MGA: variants seen among roughly 807,000 people sequenced by gnomAD.
MGA encodes MAX dimerization protein MGA, also known as MAX gene-associated protein.
MGA carries 40 observed loss-of-function variants against 261.1 expected under a neutral mutation model. The observed-to-expected ratio is 0.15, with a 90% CI of 0.12 to 0.20. MGA has a LOEUF of 0.20. Among genes scored for constraint, MGA ranks in the 10% least tolerant of loss-of-function variants. The pLI is 1.00. For synonymous variants in MGA, 1,302 were observed against 1,290.6 expected, an observed-to-expected ratio of 1.01 and a Z score of -0.19; for missense variants, 3,397 against 3,630.5, an observed-to-expected ratio of 0.94 and a Z score of 1.65.
At chr15:41,698,430 G>T (rs566704371) in intron 3 of MGA, among the ~76,000 whole-genome samples, 6 of 152,256 alleles carry the variant, frequency 3.9e-5, no homozygotes, top group African/African-American at 1.4e-4. Context: ...CTCCCAAAGT[G>T]CTGGGATTAT....
At chr15:41,638,688 C>CA (rs2056759527) in intron 1 of MGA, among the ~76,000 whole-genome samples, 1 of 115,654 alleles carries the variant, frequency 8.6e-6, no homozygotes, top group Non-Finnish European at 1.8e-5. Flanking sequence ...TTTTCTTTTT[C>CA]TTTTTTTTTT....
intron 1 of MGA, among the ~76,000 whole-genome samples, chr15:41,660,835 C>A (rs1595593411): frequency 6.6e-6 from 1 of 152,150 alleles, no homozygotes; most frequent in Non-Finnish European, 1.5e-5. Flanking sequence ...GCCCATGGCT[C>A]GGCCCTGCCC....
Position 41,767,342 on chromosome 15 carries a change from T to C in MGA, c.*62T>C. Reference sequence around the variant, plus strand: ...GGAAATAGATCTCACCTCCTTTCTCTGCAGGCATCTGTTTGTTTGTGTCTT... The same window carrying C: ...GGAAATAGATCTCACCTCCTTTCTCCGCAGGCATCTGTTTGTTTGTGTCTT... On this transcript the variant is annotated 3_prime_UTR_variant, in exon 24 of 24. Coordinates refer to ENST00000219905, the MANE Select transcript of MGA (RefSeq NM_001164273.2). 1 of 1,492,684 alleles carries C rather than the reference T, an allele frequency of 6.7e-7. No homozygotes were observed. Among genetic ancestry groups the C allele is most frequent in the Non-Finnish European group, 9.0e-7 (1 of 1,107,846 alleles). The allele number at this position is 1,492,684 out of a possible 1,614,324, so 92.5% of individuals were successfully genotyped here. A position where few individuals can be genotyped will look rare whatever the true frequency, so the allele number is the denominator to read the frequency against.
intron 2 of MGA, among the ~76,000 whole-genome samples, chr15:41,671,333 A>AT (rs962357988): frequency 1.3e-5 from 2 of 151,608 alleles, no homozygotes; most frequent in Non-Finnish European, 2.9e-5. Flanking sequence ...TTGTTTGTTT[A>AT]TTTTTTTTGA....
chr15:41,658,450 C>A (rs889644162), upstream of MGA, among the ~76,000 whole-genome samples: 3 of 151,734 alleles, frequency 2.0e-5, no homozygotes, highest in Non-Finnish European at 2.9e-5. Context: ...TCAAAGCAAA[C>A]AAAAAATAAA....
intron 15 of MGA, among the ~76,000 whole-genome samples, chr15:41,747,969 C>G (rs1316236241): frequency 4.6e-5 from 7 of 152,122 alleles, no homozygotes; most frequent in African/African-American, 1.7e-4. Context: ...GATTCTGTGC[C>G]TTAATGACTG....
intron 1 of MGA, among the ~76,000 whole-genome samples, chr15:41,646,036 T>G (rs538840284): frequency 6.6e-6 from 1 of 152,296 alleles, no homozygotes; most frequent in South Asian, 2.1e-4. Flanking sequence ...GTGGTCTCAT[T>G]CAGAAAAATT....
In MGA at chr15:41,715,077, C is replaced by A. The variant is rs73407232; in HGVS notation, c.3430+1581C>A. On this transcript the variant is annotated intron_variant, in intron 9 of 23. Transcript: ENST00000219905. ...GGTTCCCTCCCCCACTGCCCACCCG[C>A]CCCCAGTGAAAAAGCAGTGATAGTT... 7.3e-3 allele frequency among the ~76,000 whole-genome samples: 1,102 copies of A among 150,552 alleles called. 17 individuals carry two copies. The highest frequency in any genetic ancestry group is 0.026 in the African/African-American group (1,062 of 41,076).
At chr15:41,708,015 C>A in intron 6 of MGA, 89 bp from the exon 7 acceptor site, 1 of 1,372,732 alleles carries the variant, frequency 7.3e-7, no homozygotes, top group Non-Finnish European at 9.9e-7. Flanking sequence ...GATTTATACA[C>A]TTACCAAATT....
At chr15:41,645,365 A>T (rs1487477564) in intron 1 of MGA, among the ~76,000 whole-genome samples, 1 of 152,254 alleles carries the variant, frequency 6.6e-6, no homozygotes, top group East Asian at 1.9e-4. Flanking sequence ...TGAGACCGGC[A>T]GATCACTTGG....
intron 14 of MGA, 141 bp downstream of exon 14, chr15:41,740,344 T>G (rs2062023184): frequency 1.1e-6 from 1 of 929,374 alleles, no homozygotes; most frequent in African/African-American, 1.7e-5. Context: ...TGCCTGGACT[T>G]TTTTGATTGT....
intron 2 of MGA, among the ~76,000 whole-genome samples, chr15:41,693,918 A>G (rs1407508998): frequency 1.3e-5 from 2 of 152,020 alleles, no homozygotes; most frequent in African/African-American, 2.4e-5. Context: ...ATTTAATTTT[A>G]TTGCCTTTTC....
At chr15:41,714,361 T>TATAAG (rs1182896286) in intron 9 of MGA, among the ~76,000 whole-genome samples, 2 of 152,258 alleles carry the variant, frequency 1.3e-5, no homozygotes, top group Admixed American at 6.5e-5. Context: ...TTTTGGGTTT[T>TATAAG]CTTTATTATA....
chr15:41,633,159 C>T (rs2056627400), intron 1 of MGA, among the ~76,000 whole-genome samples: 1 of 151,946 alleles, frequency 6.6e-6, no homozygotes, highest in African/African-American at 2.4e-5. Context: ...CTGCGTTAGC[C>T]AGGATGGTCT....
chr15:41,708,057 T>A, intron 6 of MGA, 47 bp from the exon 7 acceptor site: 1 of 1,478,402 alleles, frequency 6.8e-7, no homozygotes. Context: ...GTCCATAATA[T>A]TGGCCTGCTA....
In MGA at chr15:41,766,902, C is replaced by T. The variant is rs1256194187; in HGVS notation, c.8820C>T (p.Ser2940=). The T allele has an allele frequency of 6.2e-6, 10 of 1,613,866 alleles. No homozygotes were observed. Among genetic ancestry groups the T allele is most frequent in the Non-Finnish European group, 7.6e-6 (9 of 1,179,900 alleles). ...CTGAAATAAAGGATTCCCTCCTTTC[C>T]AACAAGAAAGCTATTGATGGAGGGA... Residue 2940 remains serine (S), a synonymous_variant, in exon 24 of 24, where the codon TCC becomes TCT. Transcript: ENST00000219905.
chr15:41,636,964 G>T (rs559592921), intron 1 of MGA, among the ~76,000 whole-genome samples: 2 of 151,968 alleles, frequency 1.3e-5, no homozygotes, highest in Non-Finnish European at 2.9e-5. Context: ...AGGTGACACC[G>T]TAAAGGGAGA....
intron 15 of MGA, among the ~76,000 whole-genome samples, chr15:41,745,651 T>C (rs1202974819): frequency 1.3e-5 from 2 of 152,110 alleles, no homozygotes; most frequent in African/African-American, 4.8e-5. Context: ...GTCATCCTGG[T>C]TGGAGTGTAG....
At position 41,696,249 on chromosome 15, in the gene MGA, A is replaced by G. The variant is rs770626378; in HGVS notation, c.1239A>G (p.Val413=). 6.8e-6 allele frequency: 11 copies of G among 1,613,854 alleles called. No homozygotes were observed. The Admixed American group carries it at 1.8e-4, about 27-fold the overall frequency. The change falls in exon 3 of 24, where the codon GTA becomes GTG. Residue 413 remains valine, a synonymous_variant. Coordinates refer to ENST00000219905, the MANE Select transcript of MGA (RefSeq NM_001164273.2). ...AAGAGACAGATGAAGAGACGGATGT[A>G]TACTCAAACAGTGATGATGATCCTA...
Sources: allele counts gnomAD v4.1 joint callset (sites outside exome capture counted in the v4.1 genomes callset), GRCh38; gene constraint gnomAD v4.1.1; transcripts MANE v1.5; gene names NCBI Gene and HGNC (gene_info 2026-07-23, HGNC 2026-07-21).